Variants in PHF21B observed in about 807,000 individuals in gnomAD.
The protein encoded by PHF21B is PHD finger protein 21B.
PHF21B carries 22 observed loss-of-function variants against 62.2 expected under a neutral mutation model. That is an observed-to-expected ratio of 0.35 (90% confidence interval 0.25 to 0.51). The LOEUF (loss-of-function observed/expected upper bound fraction) is 0.51, where lower values mean the gene tolerates loss of function less well. Ranked by LOEUF, PHF21B falls within the 20% of genes least tolerant of loss-of-function variation. The pLI, the probability that PHF21B is intolerant of heterozygous loss-of-function variation, is 0.97. For synonymous variants in PHF21B, 341 were observed against 314.7 expected, an observed-to-expected ratio of 1.08 and a Z score of -0.88; for missense variants, 701 against 707.9, an observed-to-expected ratio of 0.99 and a Z score of 0.11.
intron 3 of PHF21B, among the ~76,000 whole-genome samples, chr22:44,917,939 T>C (rs1277930665): frequency 6.6e-6 from 1 of 152,114 alleles, no homozygotes; most frequent in East Asian, 1.9e-4. Flanking sequence ...CCATGCTGGG[T>C]CCTTAGCAAA....
chr22:44,958,597 GAT>G (rs2072351581), intron 2 of PHF21B, among the ~76,000 whole-genome samples: 2 of 58,512 alleles, frequency 3.4e-5, no homozygotes, highest in South Asian at 8.7e-4. Context: ...GCCTTCCTTT[GAT>G]TTTTTTTTTT....
At chr22:44,949,419 C>T (rs554804364) in intron 2 of PHF21B, among the ~76,000 whole-genome samples, 7 of 151,528 alleles carry the variant, frequency 4.6e-5, no homozygotes, top group Non-Finnish European at 1.0e-4. Context: ...ATGTTTGAAA[C>T]ATGTCAAAAA....
At chr22:44,950,694 T>C (rs2072175621) in intron 2 of PHF21B, among the ~76,000 whole-genome samples, 1 of 152,184 alleles carries the variant, frequency 6.6e-6, no homozygotes, top group Non-Finnish European at 1.5e-5. Context: ...AGTGGTCACA[T>C]ATTATGCAAA....
intron 2 of PHF21B, among the ~76,000 whole-genome samples, chr22:44,961,311 T>A (rs2072415577): frequency 6.6e-6 from 1 of 152,066 alleles, no homozygotes; most frequent in Admixed American, 6.6e-5. Flanking sequence ...AGGTGCAGGT[T>A]ACATAGGTAT....
intron 2 of PHF21B, among the ~76,000 whole-genome samples, chr22:44,999,178 C>T (rs1321233991): frequency 6.6e-6 from 1 of 152,138 alleles, no homozygotes; most frequent in Non-Finnish European, 1.5e-5. Flanking sequence ...CTGCTACTAC[C>T]GAACAGGAAG....
chr22:44,973,259 A>C (rs908979957), intron 2 of PHF21B, among the ~76,000 whole-genome samples: 1 of 152,214 alleles, frequency 6.6e-6, no homozygotes, highest in Non-Finnish European at 1.5e-5. Context: ...TCCGCCAAAG[A>C]AGCAAAGAGA....
chr22:44,953,357 G>A (rs1023945685), intron 2 of PHF21B, among the ~76,000 whole-genome samples: 2 of 152,164 alleles, frequency 1.3e-5, no homozygotes, highest in African/African-American at 4.8e-5. Flanking sequence ...TCCCGTGAGT[G>A]CCCCTCCCTA....
chr22:44,973,398 G>C (rs1349404447), intron 2 of PHF21B, among the ~76,000 whole-genome samples: 1 of 152,218 alleles, frequency 6.6e-6, no homozygotes, highest in African/African-American at 2.4e-5. Context: ...TCAGAAAATT[G>C]AGGTTACAGG....
At chr22:44,902,747 A>G (rs111860092) in intron 5 of PHF21B, among the ~76,000 whole-genome samples, 5,298 of 152,194 alleles carry the variant, frequency 0.035, 293 homozygotes, top group African/African-American at 0.12. Flanking sequence ...TCACAGCAGG[A>G]TATCAATTTT....
chr22:44,991,714 T>C (rs1283671296), intron 2 of PHF21B, among the ~76,000 whole-genome samples: 1 of 152,140 alleles, frequency 6.6e-6, no homozygotes, highest in Non-Finnish European at 1.5e-5. Context: ...CTGTTCTGTG[T>C]CCCGCTGGCC....
intron 2 of PHF21B, among the ~76,000 whole-genome samples, chr22:44,969,533 G>T (rs1460872616): frequency 3.3e-5 from 5 of 152,174 alleles, no homozygotes; most frequent in Admixed American, 6.5e-5. Flanking sequence ...AGGCGTGGTG[G>T]TGGGCACCTG....
intron 11 of PHF21B, 71 bp downstream of exon 11, chr22:44,885,792 G>C: frequency 1.3e-6 from 2 of 1,483,490 alleles, no homozygotes; most frequent in South Asian, 2.4e-5. Context: ...ACAGGACCAG[G>C]TGAGCCCAGA....
At chr22:44,980,714 CACCTGTGT>C (rs2072825513) in intron 2 of PHF21B, among the ~76,000 whole-genome samples, 1 of 152,158 alleles carries the variant, frequency 6.6e-6, no homozygotes, top group Non-Finnish European at 1.5e-5. Flanking sequence ...TGGGTGCTGA[CACCTGTGT>C]CTCTTCCAAG....
At chr22:44,921,567 G>C (rs531739443) in intron 2 of PHF21B, among the ~76,000 whole-genome samples, 3 of 150,068 alleles carry the variant, frequency 2.0e-5, no homozygotes, top group Non-Finnish European at 3.0e-5. Context: ...GGGTTTCACC[G>C]TGTTAGCCAG....
intron 2 of PHF21B, among the ~76,000 whole-genome samples, chr22:44,983,778 T>A (rs572559220): frequency 6.6e-6 from 1 of 152,322 alleles, no homozygotes; most frequent in East Asian, 1.9e-4. Flanking sequence ...TCCTGCTTTT[T>A]ACTCAGAGGA....
Position 44,890,037 on chromosome 22 carries a change from C to T in PHF21B, c.1016-255G>A, listed in dbSNP as rs140955565. On this transcript the variant is annotated intron_variant, in intron 8 of 12. Coordinates refer to ENST00000313237, the MANE Select transcript of PHF21B (RefSeq NM_138415.5). ...GCCCCCATGACACCTGGGCTCACCC[C>T]AGGGCATGATGGGAATATCACAAGG... Among the ~76,000 whole-genome samples the T allele has an allele frequency of 0.047, 7,089 of 150,752 alleles. 292 individuals carry two copies. The highest frequency in any genetic ancestry group is 0.11 in the African/African-American group (4,312 of 40,888).
chr22:44,975,262 G>A (rs1259520425), intron 2 of PHF21B, among the ~76,000 whole-genome samples: 1 of 152,130 alleles, frequency 6.6e-6, no homozygotes, highest in Non-Finnish European at 1.5e-5. Flanking sequence ...CCAGCCCCAC[G>A]CCTGGGATGA....
chr22:44,882,861 A>T lies in PHF21B; in HGVS notation c.*225T>A. 1 of 539,404 alleles carries T rather than the reference A, an allele frequency of 1.9e-6. No individual in the cohort carries two copies. Among genetic ancestry groups the T allele is most frequent in the Non-Finnish European group, 3.2e-6 (1 of 312,782 alleles). The allele number at this position is 539,404 out of a possible 1,614,324, so 33.4% of individuals were successfully genotyped here. On this transcript the variant is annotated 3_prime_UTR_variant, in exon 13 of 13. Transcript: ENST00000313237. ...TGTGTGCCCCAGCCTGTCGTACCCCACCTGGCTCCTAGGTACCCCCTGTGA... is the reference window on the plus strand; with the variant it reads ...TGTGTGCCCCAGCCTGTCGTACCCCTCCTGGCTCCTAGGTACCCCCTGTGA...
At chr22:44,959,853 G>A (rs1569255794) in intron 2 of PHF21B, among the ~76,000 whole-genome samples, 1 of 152,214 alleles carries the variant, frequency 6.6e-6, no homozygotes, top group Non-Finnish European at 1.5e-5. Flanking sequence ...GGAGATGCAA[G>A]CACAGGACCC....
Sources: gnomAD v4.1 joint callset for allele counts (sites outside exome capture counted in the v4.1 genomes callset) on GRCh38, gnomAD v4.1.1 for gene constraint, MANE v1.5 for transcripts, NCBI Gene and HGNC (gene_info 2026-07-23, HGNC 2026-07-21) for gene names.